Variants in PLB1 observed in about 807,000 individuals in gnomAD.
PLB1 encodes the protein phospholipase B1, membrane-associated.
PLB1 carries 242 observed loss-of-function variants against 227.4 expected under a neutral mutation model. The ratio of observed to expected loss-of-function variants is 1.06; its 90% CI spans 0.96 to 1.18. The LOEUF (loss-of-function observed/expected upper bound fraction) is 1.18, where lower values mean the gene tolerates loss of function less well. PLB1 is among the 50% of genes most tolerant of loss of function. PLB1 has a pLI of 0.00. For synonymous variants in PLB1, 757 were observed against 682.2 expected (o/e 1.11, Z -1.71); for missense variants, 1,858 against 1,816.3 (o/e 1.02, Z -0.42).
chr2:28,638,156 T>C (rs1274908004), intron 56 of PLB1, among the ~76,000 whole-genome samples: 1 of 151,876 alleles, frequency 6.6e-6, no homozygotes, highest in Non-Finnish European at 1.5e-5. Context: ...AAAAGACAGA[T>C]AATCAACAAG....
intron 1 of PLB1, among the ~76,000 whole-genome samples, chr2:28,510,804 G>GTGTGTGTGTGTGTGTT (rs765693477): frequency 2.0e-5 from 3 of 150,116 alleles, no homozygotes; most frequent in African/African-American, 7.3e-5. Flanking sequence ...GTGTGTGTGT[G>GTGTGTGTGTGTGTGTT]TTTTGTAGAG....
chr2:28,641,087 G>T, intron 57 of PLB1, 86 bp downstream of exon 57: 1 of 1,282,100 alleles, frequency 7.8e-7, no homozygotes, highest in East Asian at 2.6e-5. Context: ...AGGAGTCCCC[G>T]GGGATGCTCC....
chr2:28,596,723 C>G (rs554649662), intron 33 of PLB1, among the ~76,000 whole-genome samples: 22 of 152,228 alleles, frequency 1.4e-4, no homozygotes, highest in Admixed American at 6.5e-5. Context: ...GCAAGTTAGG[C>G]TCAGACATCT....
intron 17 of PLB1, among the ~76,000 whole-genome samples, chr2:28,554,352 C>T (rs1221080022): frequency 2.0e-5 from 3 of 151,546 alleles, no homozygotes; most frequent in Admixed American, 6.6e-5. Context: ...TTTTGAAACA[C>T]GGTCTTACTC....
At position 28,585,854 on chromosome 2, in the gene PLB1, A is replaced by G. The variant is rs1283731353; in HGVS notation, c.1815+12A>G. On this transcript the variant is annotated intron_variant, in intron 26 of 57. Transcript: ENST00000327757. Reference sequence around the variant, plus strand: ...ACAAGAAGTTTCAGGTAAGCCGGGAAGGGGTTCTAAGACTTCCCAGAACTG... The same window carrying G: ...ACAAGAAGTTTCAGGTAAGCCGGGAGGGGGTTCTAAGACTTCCCAGAACTG... The G allele has an allele frequency of 6.3e-7, 1 of 1,578,892 alleles. No individual in the cohort carries two copies. Among genetic ancestry groups the G allele is most frequent in the African/African-American group, 1.4e-5 (1 of 74,058 alleles).
chr2:28,634,322 T>C (rs1476776551), intron 56 of PLB1, among the ~76,000 whole-genome samples: 2 of 152,234 alleles, frequency 1.3e-5, no homozygotes, highest in Non-Finnish European at 2.9e-5. Flanking sequence ...GATTTTGTTT[T>C]GAAGGCGGTT....
At chr2:28,507,950 T>C (rs1427225502) in intron 1 of PLB1, among the ~76,000 whole-genome samples, 1 of 152,204 alleles carries the variant, frequency 6.6e-6, no homozygotes, top group Non-Finnish European at 1.5e-5. Flanking sequence ...ACCCAAAGGT[T>C]GTGACATTGT....
intron 55 of PLB1, among the ~76,000 whole-genome samples, 197 bp from the exon 56 acceptor site, chr2:28,632,747 C>G (rs1688807659): frequency 6.6e-6 from 1 of 151,592 alleles, no homozygotes; most frequent in Admixed American, 6.6e-5. Context: ...CAGTGCGAAA[C>G]TCCGTCTCAA....
intron 8 of PLB1, 47 bp from the exon 9 acceptor site, chr2:28,532,061 A>C (rs746902478): frequency 6.9e-7 from 1 of 1,440,740 alleles, no homozygotes; most frequent in Non-Finnish European, 9.7e-7. Flanking sequence ...ATTTTGGTTC[A>C]AGGTCTTAAC....
intron 46 of PLB1, 21 bp from the exon 47 acceptor site, chr2:28,620,244 C>T: frequency 6.4e-7 from 1 of 1,571,448 alleles, no homozygotes; most frequent in Non-Finnish European, 8.7e-7. Context: ...CAGCCCTGAA[C>T]TTTCTTTTTG....
Position 28,643,023 on chromosome 2 carries a change from G to T in PLB1, c.4339G>T (p.Glu1447Ter). ...GAGGTGCAGGAGAGGTGGCCGGAGG[G>T]AAGATCCTCCAATGAGCCTGCGCAC... ...VWRCRRGGRREDPPMSLRTVA... is the reference protein window; with the variant it reads ...VWRCRRGGRR The change falls in exon 58 of 58, where the codon GAA (glutamate) becomes TAA (stop). Residue 1447 changes from glutamate to a stop codon, truncating the protein, a stop_gained. Transcript: ENST00000327757. LOFTEE classifies it low-confidence loss of function (END_TRUNC). 6.2e-7 allele frequency: 1 copy of T among 1,610,310 alleles called. No individual in the cohort carries two copies. The highest frequency in any genetic ancestry group is 1.1e-5 in the South Asian group (1 of 90,108).
At chr2:28,614,128 A>G (rs1558919971) in intron 44 of PLB1, 32 bp downstream of exon 44, 1 of 1,576,200 alleles carries the variant, frequency 6.3e-7, no homozygotes, top group Non-Finnish European at 8.7e-7. Context: ...CCTCTCTCAG[A>G]CACAAACCAT....
At chr2:28,602,593 A>T (rs1294107717) in intron 38 of PLB1, among the ~76,000 whole-genome samples, 1 of 152,028 alleles carries the variant, frequency 6.6e-6, no homozygotes, top group Non-Finnish European at 1.5e-5. Flanking sequence ...TTATTGTCCC[A>T]CTCCAGGAGG....
intron 6 of PLB1, among the ~76,000 whole-genome samples, chr2:28,527,847 G>A (rs1197906422): frequency 1.3e-5 from 2 of 152,176 alleles, no homozygotes; most frequent in African/African-American, 4.8e-5. Flanking sequence ...CATTCAGAAA[G>A]CAATCTCTTT....
chr2:28,511,015 T>G (rs1668193678), intron 1 of PLB1, among the ~76,000 whole-genome samples: 1 of 152,150 alleles, frequency 6.6e-6, no homozygotes, highest in Admixed American at 6.5e-5. Flanking sequence ...AGCTTGTGGA[T>G]TATACAATTT....
At chr2:28,512,724 C>T (rs1668430381) in intron 1 of PLB1, among the ~76,000 whole-genome samples, 1 of 149,412 alleles carries the variant, frequency 6.7e-6, no homozygotes. Context: ...TCCTAGGAGT[C>T]ACCCTTGAGT....
intron 44 of PLB1, among the ~76,000 whole-genome samples, chr2:28,616,470 C>G (rs1197802030): frequency 6.6e-6 from 1 of 152,220 alleles, no homozygotes; most frequent in Non-Finnish European, 1.5e-5. Flanking sequence ...CCTGCTGAAT[C>G]AGAATCTGCA....
intron 56 of PLB1, among the ~76,000 whole-genome samples, chr2:28,636,049 GTGTA>G (rs1237183237): frequency 7.9e-5 from 9 of 113,732 alleles, no homozygotes; most frequent in South Asian, 3.1e-4. Flanking sequence ...GTGTATGTAT[GTGTA>G]TGTGTGTATG....
intron 20 of PLB1, among the ~76,000 whole-genome samples, chr2:28,572,521 T>C (rs1388079432): frequency 6.6e-6 from 1 of 152,172 alleles, no homozygotes; most frequent in East Asian, 1.9e-4. Context: ...AACTGAAGAA[T>C]GGATAAATAA....
Sources: allele counts gnomAD v4.1 joint callset (sites outside exome capture counted in the v4.1 genomes callset), GRCh38; gene constraint gnomAD v4.1.1; transcripts MANE v1.5; gene names NCBI Gene and HGNC (gene_info 2026-07-23, HGNC 2026-07-21).